The following VWA3B variants were observed in gnomAD, a reference collection of about 807,000 sequenced individuals.
VWA3B encodes von Willebrand factor A domain containing 3B.
VWA3B carries 138 observed loss-of-function variants against 158.3 expected under a neutral mutation model. That is an observed-to-expected ratio of 0.87 (90% CI 0.76 to 1.00). The LOEUF is 1.00. VWA3B is among the 50% of genes least tolerant of loss of function. VWA3B has a pLI of 0.00. For synonymous variants in VWA3B, 596 were observed against 587.3 expected (o/e 1.01, Z -0.21); for missense variants, 1,555 against 1,565.1 (o/e 0.99, Z 0.11).
chr2:98,116,858 CA>C (rs992588219), intron 3 of VWA3B, among the ~76,000 whole-genome samples: 1 of 152,168 alleles, frequency 6.6e-6, no homozygotes, highest in African/African-American at 2.4e-5. Context: ...TACATTGATT[CA>C]AAGGAGTGAT....
intron 7 of VWA3B, among the ~76,000 whole-genome samples, chr2:98,137,391 T>A (rs1478940694): frequency 6.6e-6 from 1 of 152,218 alleles, no homozygotes; most frequent in Non-Finnish European, 1.5e-5. Context: ...TCCCTAATGA[T>A]TCATTATTTT....
chr2:98,235,622 C>T (rs1475284665), intron 17 of VWA3B, among the ~76,000 whole-genome samples: 1 of 152,152 alleles, frequency 6.6e-6, no homozygotes, highest in African/African-American at 2.4e-5. Context: ...GACAGGGTTC[C>T]ACCATATTGG....
At chr2:98,179,366 C>T (rs1278626215) in intron 8 of VWA3B, 5 of 470,070 alleles carry the variant, frequency 1.1e-5, no homozygotes, top group African/African-American at 2.0e-5. Flanking sequence ...GAAAACACCA[C>T]GAGAATGTGC....
At chr2:98,106,374 C>T (rs1409307008) in intron 2 of VWA3B, among the ~76,000 whole-genome samples, 1 of 151,788 alleles carries the variant, frequency 6.6e-6, no homozygotes, top group East Asian at 1.9e-4. Context: ...TTTGCCTTTC[C>T]AAATAAATTT....
At chr2:98,293,964 T>A (rs1689642128) in intron 23 of VWA3B, among the ~76,000 whole-genome samples, 1 of 152,000 alleles carries the variant, frequency 6.6e-6, no homozygotes, top group Non-Finnish European at 1.5e-5. Context: ...TCGTATTATC[T>A]TTCATGATAG....
chr2:98,141,127 C>T (rs1015807629), intron 7 of VWA3B, among the ~76,000 whole-genome samples: 1 of 152,352 alleles, frequency 6.6e-6, no homozygotes, highest in Admixed American at 6.5e-5. Context: ...TTTTCATCTG[C>T]TCTGGTTGGC....
At chr2:98,142,014 T>G (rs1276301083) in intron 7 of VWA3B, among the ~76,000 whole-genome samples, 2 of 152,166 alleles carry the variant, frequency 1.3e-5, no homozygotes, top group Non-Finnish European at 2.9e-5. Context: ...GTTTAATTTT[T>G]TATTCCAGTC....
chr2:98,228,114 C>CT (rs1685059377), intron 14 of VWA3B, 88 bp from the exon 15 acceptor site: 1 of 1,445,162 alleles, frequency 6.9e-7, no homozygotes, highest in Non-Finnish European at 9.2e-7. Flanking sequence ...CATAGTGAAC[C>CT]TCTTGTCTCT....
At chr2:98,187,714 T>A (rs1681219040) in intron 9 of VWA3B, among the ~76,000 whole-genome samples, 1 of 148,594 alleles carries the variant, frequency 6.7e-6, no homozygotes, top group Non-Finnish European at 1.5e-5. Flanking sequence ...CGGTTGGGGG[T>A]GTCTCTATGC....
At chr2:98,316,534 C>G (rs905219610), downstream of VWA3B, among the ~76,000 whole-genome samples, 1 of 151,278 alleles carries the variant, frequency 6.6e-6, no homozygotes, top group Non-Finnish European at 1.5e-5. Flanking sequence ...GTCTCAGCTA[C>G]TTGGGGTGGG....
chr2:98,111,963 G>GT (rs1180504774), intron 2 of VWA3B, among the ~76,000 whole-genome samples: 1 of 152,072 alleles, frequency 6.6e-6, no homozygotes, highest in African/African-American at 2.4e-5. Flanking sequence ...TGCAATTGCT[G>GT]TTGAGGACTT....
chr2:98,303,115 A>C (rs1191219632), intron 25 of VWA3B, among the ~76,000 whole-genome samples: 1 of 152,146 alleles, frequency 6.6e-6, no homozygotes, highest in Non-Finnish European at 1.5e-5. Context: ...ATGTTTTAAG[A>C]GATGTCCCCG....
At chr2:98,280,067 T>G (rs2105915706) in intron 22 of VWA3B, among the ~76,000 whole-genome samples, 1 of 152,354 alleles carries the variant, frequency 6.6e-6, no homozygotes, top group South Asian at 2.1e-4. Flanking sequence ...AGTGTGGCTT[T>G]TGTTCATCTC....
At chr2:98,140,491 C>G (rs1020656543) in intron 7 of VWA3B, among the ~76,000 whole-genome samples, 1 of 152,186 alleles carries the variant, frequency 6.6e-6, no homozygotes, top group African/African-American at 2.4e-5. Flanking sequence ...GGATCCCTGC[C>G]CCTGTTACCA....
intron 19 of VWA3B, among the ~76,000 whole-genome samples, chr2:98,239,760 A>C (rs945989557): frequency 6.6e-6 from 1 of 151,864 alleles, no homozygotes; most frequent in African/African-American, 2.4e-5. Flanking sequence ...AAAAATACAA[A>C]AAAATTAGCC....
At chr2:98,283,418 T>TC (rs1688993440) in intron 22 of VWA3B, among the ~76,000 whole-genome samples, 1 of 152,236 alleles carries the variant, frequency 6.6e-6, no homozygotes, top group Admixed American at 6.5e-5. Context: ...AGGTGGCTTT[T>TC]CCGTAAAGGC....
At chr2:98,189,176 A>AG (rs1403148204) in intron 10 of VWA3B, among the ~76,000 whole-genome samples, 2 of 152,290 alleles carry the variant, frequency 1.3e-5, no homozygotes, top group South Asian at 2.1e-4. Flanking sequence ...TGGGAGGCCA[A>AG]GGGGGTGGAT....
At chr2:98,167,377 T>C (rs1274939075) in intron 8 of VWA3B, among the ~76,000 whole-genome samples, 4 of 151,452 alleles carry the variant, frequency 2.6e-5, no homozygotes, top group African/African-American at 9.7e-5. Context: ...AAAAAAAAAC[T>C]GACAAAAATG....
At chr2:98,208,561 A>T (rs1245185549) in intron 12 of VWA3B, among the ~76,000 whole-genome samples, 1 of 151,988 alleles carries the variant, frequency 6.6e-6, no homozygotes, top group Admixed American at 6.6e-5. Context: ...GTATTTCCTT[A>T]TACATATATG....
Sources: allele counts gnomAD v4.1 joint callset (sites outside exome capture counted in the v4.1 genomes callset), GRCh38; gene constraint gnomAD v4.1.1; transcripts MANE v1.5; gene names NCBI Gene and HGNC (gene_info 2026-07-23, HGNC 2026-07-21).